Variants in IGFL2 observed in about 807,000 individuals in gnomAD.
The protein encoded by IGFL2 is IGF like family member 2.
A neutral mutation model predicts 13.9 loss-of-function variants in IGFL2; 7 were observed. That is an observed-to-expected ratio of 0.51 (90% CI 0.29 to 0.95). IGFL2 has a LOEUF of 0.95. IGFL2 is among the 40% of genes least tolerant of loss of function. IGFL2 has a pLI of 0.08. For synonymous variants in IGFL2, 55 were observed against 55.8 expected, an observed-to-expected ratio of 0.99 and a Z score of 0.07; for missense variants, 138 against 147.8, an observed-to-expected ratio of 0.93 and a Z score of 0.34.
chr19:46,182,996 A>G, the IGFL2 span, among the ~76,000 whole-genome samples: 88 of 152,130 alleles, frequency 5.8e-4, no homozygotes, highest in African/African-American at 2.0e-3. Context: ...GTATTACTCC[A>G]TTCTCACACT....
chr19:46,147,494 C>T (rs1046142696), upstream of IGFL2, among the ~76,000 whole-genome samples: 1 of 152,178 alleles, frequency 6.6e-6, no homozygotes, highest in Non-Finnish European at 1.5e-5. Context: ...TTGAAAAGCC[C>T]TCGAGCTGGC....
chr19:46,090,365 T>G, the IGFL2 span, among the ~76,000 whole-genome samples: 2,051 of 152,374 alleles, frequency 0.013, 32 homozygotes, highest in Middle Eastern at 0.027. Flanking sequence ...CATCTCTTTA[T>G]TGTTAGTCAC....
chr19:46,165,828 C>T (rs1568437663), downstream of IGFL2, among the ~76,000 whole-genome samples: 1 of 152,222 alleles, frequency 6.6e-6, no homozygotes. Context: ...TTCTGTGAGC[C>T]GGACCCAATA....
At chr19:46,110,462 A>G in the IGFL2 span, among the ~76,000 whole-genome samples, 10 of 152,218 alleles carry the variant, frequency 6.6e-5, no homozygotes, top group Admixed American at 2.0e-4. Context: ...TGATACATCA[A>G]AAACTAATAT....
the IGFL2 span, chr19:46,189,913 C>G: frequency 6.6e-6 from 1 of 152,092 alleles, no homozygotes; most frequent in Non-Finnish European, 1.5e-5. Context: ...GCCTCGGCAC[C>G]TGGGTGGCTT....
At chr19:46,110,806 A>G in the IGFL2 span, among the ~76,000 whole-genome samples, 2 of 152,364 alleles carry the variant, frequency 1.3e-5, no homozygotes, top group Admixed American at 1.3e-4. Flanking sequence ...CCAAGATGAT[A>G]CGATACATCA....
intron 2 of IGFL2, 21 bp from the exon 3 acceptor site, chr19:46,160,593 A>C: frequency 6.2e-7 from 1 of 1,613,782 alleles, no homozygotes; most frequent in Non-Finnish European, 8.5e-7. Context: ...TCACACCAAC[A>C]ATGTCTGTCC....
At chr19:46,164,896 A>G (rs1974325937), downstream of IGFL2, among the ~76,000 whole-genome samples, 3 of 152,238 alleles carry the variant, frequency 2.0e-5, no homozygotes, top group South Asian at 6.2e-4. Context: ...CAGGCTTATC[A>G]AATACTTGAG....
the IGFL2 span, chr19:46,204,887 C>G: frequency 6.6e-6 from 1 of 152,314 alleles, no homozygotes; most frequent in African/African-American, 2.4e-5. Context: ...AAGCGCTTCT[C>G]CTGCCTCAGC....
chr19:46,193,814 C>T, the IGFL2 span, among the ~76,000 whole-genome samples: 2 of 152,164 alleles, frequency 1.3e-5, no homozygotes, highest in East Asian at 3.9e-4. Flanking sequence ...GCAGACACCG[C>T]TCTCGGGTCT....
the IGFL2 span, among the ~76,000 whole-genome samples, chr19:46,174,678 G>A: frequency 6.6e-5 from 10 of 152,324 alleles, no homozygotes; most frequent in African/African-American, 2.4e-4. Flanking sequence ...GATATCCTCT[G>A]ACATTTATGC....
the IGFL2 span, chr19:46,207,974 T>C: frequency 1.3e-5 from 2 of 152,180 alleles, no homozygotes; most frequent in African/African-American, 4.8e-5. Flanking sequence ...CCACCCGGAA[T>C]AGGGGTCTGA....
chr19:46,194,846 ATATATATTTTTT>A, the IGFL2 span, among the ~76,000 whole-genome samples: 3 of 34,886 alleles, frequency 8.6e-5, no homozygotes, highest in Non-Finnish European at 1.2e-4. Flanking sequence ...ATATATATAT[ATATATATTTTTT>A]TTTTTTTTTT....
the IGFL2 span, among the ~76,000 whole-genome samples, chr19:46,135,657 G>A: frequency 1.3e-5 from 2 of 152,198 alleles, no homozygotes; most frequent in East Asian, 3.8e-4. Context: ...CTCCATTCCA[G>A]TCTTCTGTGG....
chr19:46,143,597 C>A (rs556973342), upstream of IGFL2, among the ~76,000 whole-genome samples: 1 of 152,096 alleles, frequency 6.6e-6, no homozygotes, highest in African/African-American at 2.4e-5. Flanking sequence ...TCAAAAATTA[C>A]ATGCAGATTT....
the IGFL2 span, among the ~76,000 whole-genome samples, chr19:46,079,818 C>T: frequency 2.6e-5 from 4 of 152,122 alleles, no homozygotes; most frequent in Non-Finnish European, 4.4e-5. Context: ...AAAGCCTTCC[C>T]TCAAGGAAAG....
the IGFL2 span, chr19:46,120,469 A>C: frequency 1.4e-6 from 2 of 1,476,162 alleles, no homozygotes. Context: ...TGACTGCTAC[A>C]CCAGATGTGT....
At chr19:46,170,150 A>G in the IGFL2 span, among the ~76,000 whole-genome samples, 1 of 152,044 alleles carries the variant, frequency 6.6e-6, no homozygotes, top group Non-Finnish European at 1.5e-5. Context: ...GTAGCTTACT[A>G]AGTGGGTGCA....
chr19:46,134,153 G>A, the IGFL2 span, among the ~76,000 whole-genome samples: 1 of 152,194 alleles, frequency 6.6e-6, no homozygotes, highest in Non-Finnish European at 1.5e-5. Context: ...CAGCAAGGCT[G>A]TGAATCAGTT....
Sources: gnomAD v4.1 joint callset for allele counts (sites outside exome capture counted in the v4.1 genomes callset) on GRCh38, gnomAD v4.1.1 for gene constraint, MANE v1.5 for transcripts, NCBI Gene and HGNC (gene_info 2026-07-23, HGNC 2026-07-21) for gene names.